The following CEP128 variants were observed in gnomAD, a reference collection of about 807,000 sequenced individuals.
CEP128 encodes the protein centrosomal protein 128.
Under a neutral mutation model 156.7 loss-of-function variants are expected in CEP128, and 132 were observed. The ratio of observed to expected loss-of-function variants is 0.84; its 90% CI spans 0.73 to 0.97. CEP128 has a LOEUF of 0.97. Among genes scored for constraint, CEP128 ranks in the 50% least tolerant of loss-of-function variants. The pLI, the probability that CEP128 is intolerant of heterozygous loss-of-function variation, is 0.00. For synonymous variants in CEP128, 469 were observed against 448.9 expected, an observed-to-expected ratio of 1.04 and a Z score of -0.57; for missense variants, 1,252 against 1,281.9, an observed-to-expected ratio of 0.98 and a Z score of 0.36.
At chr14:80,682,519 G>A (rs988551423) in intron 19 of CEP128, among the ~76,000 whole-genome samples, 17 of 152,300 alleles carry the variant, frequency 1.1e-4, no homozygotes, top group African/African-American at 2.9e-4. Flanking sequence ...CCTGAGAAAC[G>A]TATTCGAGGG....
intron 14 of CEP128, among the ~76,000 whole-genome samples, chr14:80,790,150 G>A (rs1901628538): frequency 6.6e-6 from 1 of 151,846 alleles, no homozygotes; most frequent in African/African-American, 2.4e-5. Context: ...GATTCTTGAA[G>A]TCAAATACTA....
chr14:80,534,703 T>C (rs1223749356), intron 21 of CEP128, among the ~76,000 whole-genome samples: 4 of 151,870 alleles, frequency 2.6e-5, no homozygotes, highest in African/African-American at 9.7e-5. Context: ...CGGGCACCTG[T>C]AGTCCCAGCT....
At chr14:80,749,825 T>C (rs1297857994) in intron 18 of CEP128, among the ~76,000 whole-genome samples, 1 of 152,210 alleles carries the variant, frequency 6.6e-6, no homozygotes, top group Non-Finnish European at 1.5e-5. Context: ...ATATCCCTTT[T>C]ACAATGATGT....
chr14:80,502,779 C>CT (rs1887797951), intron 24 of CEP128, among the ~76,000 whole-genome samples: 1 of 151,936 alleles, frequency 6.6e-6, no homozygotes, highest in Non-Finnish European at 1.5e-5. Flanking sequence ...CTTTGTTGGT[C>CT]TCATCTCTTC....
chr14:80,732,680 T>G (rs1037298517), intron 19 of CEP128, among the ~76,000 whole-genome samples: 1 of 152,236 alleles, frequency 6.6e-6, no homozygotes, highest in Non-Finnish European at 1.5e-5. Context: ...CCAAATGCTT[T>G]ACTAAACAGC....
At chr14:80,877,548 A>G (rs10144178) in intron 8 of CEP128, among the ~76,000 whole-genome samples, 9,815 of 152,252 alleles carry the variant, frequency 0.064, 1,041 homozygotes, top group African/African-American at 0.22. Context: ...AGGCACACAC[A>G]CAAAAAACAC....
chr14:80,840,639 C>T, intron 10 of CEP128, 43 bp downstream of exon 10: 1 of 1,320,080 alleles, frequency 7.6e-7, no homozygotes, highest in Non-Finnish European at 1.1e-6. Context: ...ACCATTGGCC[C>T]CAAACCACTT....
rs547366618 is a variant in CEP128 at position 80,916,331 on chromosome 14, C to T, written c.147+70G>A. 3.9e-5 allele frequency: 49 copies of T among 1,242,042 alleles called. No homozygotes were observed. In the African/African-American group the frequency reaches 6.6e-4, roughly 17 times the overall value. 76.9% of individuals were successfully genotyped at this position (1,242,042 alleles called of 1,614,324 possible). On this transcript the variant is annotated intron_variant, in intron 3 of 24. Transcript: ENST00000555265. The stretch of plus-strand genomic sequence containing the variant: ...TTGTTACAGCAGCAAGAAAACTAAT[C>T]CACTGACTGAAACTATTAAGCAGCT...
intron 19 of CEP128, among the ~76,000 whole-genome samples, chr14:80,606,778 G>A (rs1049079151): frequency 1.3e-5 from 2 of 151,990 alleles, no homozygotes; most frequent in African/African-American, 4.8e-5. Context: ...ATATGTGTGC[G>A]TGTGTGTAGA....
chr14:80,904,077 G>A (rs1313596422), intron 6 of CEP128, among the ~76,000 whole-genome samples: 2 of 151,994 alleles, frequency 1.3e-5, no homozygotes, highest in Non-Finnish European at 2.9e-5. Flanking sequence ...AGCCAAGATC[G>A]GCAAACAACC....
At chr14:80,718,327 C>T (rs551675316) in intron 19 of CEP128, among the ~76,000 whole-genome samples, 2 of 152,210 alleles carry the variant, frequency 1.3e-5, no homozygotes, top group South Asian at 4.2e-4. Flanking sequence ...AGTAAAGTTG[C>T]ATAACATTTG....
chr14:80,891,247 T>C (rs988297283), intron 8 of CEP128, among the ~76,000 whole-genome samples: 2 of 152,056 alleles, frequency 1.3e-5, no homozygotes, highest in African/African-American at 4.8e-5. Flanking sequence ...AAAATATATC[T>C]GCACCCCCAC....
At chr14:80,887,118 A>G (rs945916427) in intron 8 of CEP128, among the ~76,000 whole-genome samples, 1 of 151,712 alleles carries the variant, frequency 6.6e-6, no homozygotes, top group Non-Finnish European at 1.5e-5. Flanking sequence ...GAGCATCCAG[A>G]TTCATAAAGC....
At chr14:80,709,071 A>G (rs1366752633) in intron 19 of CEP128, among the ~76,000 whole-genome samples, 5 of 151,268 alleles carry the variant, frequency 3.3e-5, no homozygotes, top group African/African-American at 1.2e-4. Context: ...TAATAAAAAA[A>G]TAAAAATATA....
At chr14:80,770,819 A>G (rs1009092520) in intron 16 of CEP128, among the ~76,000 whole-genome samples, 1 of 152,182 alleles carries the variant, frequency 6.6e-6, no homozygotes, top group Non-Finnish European at 1.5e-5. Flanking sequence ...AAAATGGTCT[A>G]AAGTGTAAAC....
intron 19 of CEP128, among the ~76,000 whole-genome samples, chr14:80,674,057 G>C (rs1447339802): frequency 6.8e-6 from 1 of 146,048 alleles, no homozygotes; most frequent in Non-Finnish European, 1.5e-5. Flanking sequence ...AGAGTTTCTT[G>C]CATAATAATT....
intron 9 of CEP128, among the ~76,000 whole-genome samples, chr14:80,846,152 T>C (rs920297252): frequency 2.0e-5 from 3 of 152,136 alleles, no homozygotes; most frequent in African/African-American, 2.4e-5. Context: ...TAAGTACACA[T>C]AGCAAAGTAA....
At chr14:80,792,058 G>A (rs1013135944) in intron 14 of CEP128, among the ~76,000 whole-genome samples, 2 of 152,142 alleles carry the variant, frequency 1.3e-5, no homozygotes, top group African/African-American at 4.8e-5. Context: ...ATAAACATCT[G>A]GGTTTAATTC....
intron 19 of CEP128, among the ~76,000 whole-genome samples, chr14:80,643,165 T>C (rs1820520154): frequency 6.6e-6 from 1 of 152,214 alleles, no homozygotes; most frequent in Non-Finnish European, 1.5e-5. Flanking sequence ...CCTCAATCTT[T>C]TTAAATCATC....
Sources: allele counts gnomAD v4.1 joint callset (sites outside exome capture counted in the v4.1 genomes callset), GRCh38; gene constraint gnomAD v4.1.1; transcripts MANE v1.5; gene names NCBI Gene and HGNC (gene_info 2026-07-23, HGNC 2026-07-21).